The following NEDD4 variants were observed in gnomAD, a reference collection of about 807,000 sequenced individuals.
NEDD4 encodes the protein NEDD4 E3 ubiquitin protein ligase.
A neutral mutation model predicts 144.9 loss-of-function variants in NEDD4; 99 were observed. That is an observed-to-expected ratio of 0.68 (90% CI 0.58 to 0.81). The LOEUF (loss-of-function observed/expected upper bound fraction) is 0.81. Ranked by LOEUF, NEDD4 falls within the 30% of genes least tolerant of loss-of-function variation. NEDD4 has a pLI of 0.00. For synonymous variants in NEDD4, 318 were observed against 350.6 expected (o/e 0.91, Z 1.04); for missense variants, 985 against 1,065.9 (o/e 0.92, Z 1.06).
intron 5 of NEDD4, among the ~76,000 whole-genome samples, chr15:55,906,549 C>T (rs1370543267): frequency 6.6e-6 from 1 of 151,732 alleles, no homozygotes; most frequent in African/African-American, 2.4e-5. Flanking sequence ...ACCAAACACC[C>T]CATGTTCTCA....
intron 5 of NEDD4, among the ~76,000 whole-genome samples, chr15:55,888,502 C>G (rs2035464608): frequency 6.6e-6 from 1 of 152,088 alleles, no homozygotes; most frequent in Non-Finnish European, 1.5e-5. Flanking sequence ...TCAGAAGAAT[C>G]AATATTGTTA....
chr15:55,926,823 C>T (rs1412229920), intron 4 of NEDD4, among the ~76,000 whole-genome samples: 3 of 152,088 alleles, frequency 2.0e-5, no homozygotes, highest in African/African-American at 4.8e-5. Flanking sequence ...CGCCTGTAAT[C>T]CCAGCACTTA....
chr15:55,863,404 A>G (rs1383133599), intron 8 of NEDD4, among the ~76,000 whole-genome samples: 1 of 152,190 alleles, frequency 6.6e-6, no homozygotes, highest in East Asian at 1.9e-4. Flanking sequence ...AAACAACAAT[A>G]AAACAGAACT....
At chr15:55,852,690 AATATATATATATATATATAT>A (rs59736982) in intron 12 of NEDD4, 147 bp from the exon 13 acceptor site, 10 of 184,144 alleles carry the variant, frequency 5.4e-5, no homozygotes, top group East Asian at 3.8e-4. Context: ...CTTTTCTAGA[AATATATATATATATATATAT>A]ATATATATAT....
intron 5 of NEDD4, among the ~76,000 whole-genome samples, chr15:55,908,242 G>C (rs554982768): frequency 1.3e-5 from 2 of 152,238 alleles, no homozygotes; most frequent in African/African-American, 4.8e-5. Flanking sequence ...GTTCTCTATA[G>C]TAGGGAACTG....
intron 5 of NEDD4, chr15:55,915,491 G>C: frequency 6.2e-7 from 1 of 1,613,430 alleles, no homozygotes; most frequent in Non-Finnish European, 8.5e-7. Context: ...CATGGTTTTT[G>C]TTCATCTGTG....
chr15:55,862,761 G>T, intron 9 of NEDD4, 152 bp downstream of exon 9: 1 of 641,650 alleles, frequency 1.6e-6, no homozygotes. Context: ...GCAGAGTTAG[G>T]ATTTTTAAAG....
intron 9 of NEDD4, 60 bp from the exon 10 acceptor site, chr15:55,860,838 A>C: frequency 7.0e-7 from 1 of 1,431,520 alleles, no homozygotes; most frequent in Non-Finnish European, 9.7e-7. Context: ...TGATTGTCAA[A>C]GATTCTGTGA....
chr15:55,861,902 C>T (rs1212888222), intron 9 of NEDD4, among the ~76,000 whole-genome samples: 2 of 152,098 alleles, frequency 1.3e-5, no homozygotes, highest in Non-Finnish European at 2.9e-5. Context: ...TGATACATGG[C>T]TCTAAGGGAA....
chr15:55,858,912 A>G (rs1012473224), intron 11 of NEDD4, among the ~76,000 whole-genome samples: 3 of 152,184 alleles, frequency 2.0e-5, no homozygotes, highest in African/African-American at 7.2e-5. Context: ...GGCAATACCA[A>G]AACAAATGAT....
intron 5 of NEDD4, among the ~76,000 whole-genome samples, chr15:55,913,810 T>C (rs1379178378): frequency 6.6e-6 from 1 of 152,000 alleles, no homozygotes; most frequent in African/African-American, 2.4e-5. Flanking sequence ...AATAAACTAT[T>C]TTAAGGTATT....
intron 1 of NEDD4, among the ~76,000 whole-genome samples, chr15:55,978,136 A>G (rs559748225): frequency 3.5e-4 from 54 of 152,324 alleles, no homozygotes; most frequent in African/African-American, 1.3e-3. Flanking sequence ...CATCCATGTT[A>G]GCCTCGACTG....
chr15:55,934,860 C>CAT (rs2036853697), intron 4 of NEDD4: 3 of 80,838 alleles, frequency 3.7e-5, no homozygotes. Flanking sequence ...CAATGTTCTG[C>CAT]TTTTTTTTTT....
chr15:55,977,796 G>A (rs2142350072), intron 1 of NEDD4, among the ~76,000 whole-genome samples: 1 of 151,664 alleles, frequency 6.6e-6, no homozygotes, highest in South Asian at 2.1e-4. Context: ...TGAATAAACA[G>A]GCCAACTGAA....
At chr15:55,963,040 C>T (rs1163810293) in intron 2 of NEDD4, among the ~76,000 whole-genome samples, 1 of 152,008 alleles carries the variant, frequency 6.6e-6, no homozygotes, top group Non-Finnish European at 1.5e-5. Context: ...CAGCCTCAGC[C>T]TCCCTAAGTG....
In NEDD4 at chr15:55,860,927, T is replaced by C. The variant is rs564032650; in HGVS notation, c.675-149A>G. On this transcript the variant is annotated intron_variant, in intron 9 of 28. Coordinates refer to ENST00000435532, the MANE Select transcript of NEDD4 (RefSeq NM_006154.4). ...CAAAGGCTATTTCAACATGCAAAGA[T>C]TCAATCATGGGTAGGCAGACTGGTA... is the stretch of plus-strand genomic sequence containing the variant. The C allele has an allele frequency of 5.3e-5, 36 of 681,214 alleles. No homozygotes were observed. In the East Asian group the frequency reaches 8.9e-4, roughly 17 times the overall value. The allele number at this position is 681,214 out of a possible 1,614,324, so 42.2% of individuals were successfully genotyped here. A position where few individuals can be genotyped will look rare whatever the true frequency, so the allele number is the denominator to read the frequency against.
intron 5 of NEDD4, among the ~76,000 whole-genome samples, chr15:55,910,166 G>A (rs2036226714): frequency 6.6e-6 from 1 of 152,170 alleles, no homozygotes; most frequent in Non-Finnish European, 1.5e-5. Flanking sequence ...TATGCCTTCT[G>A]TATAACAATA....
intron 1 of NEDD4, among the ~76,000 whole-genome samples, chr15:55,989,545 C>T (rs1281481195): frequency 6.6e-6 from 1 of 152,150 alleles, no homozygotes; most frequent in Non-Finnish European, 1.5e-5. Flanking sequence ...GCCCTTCTTA[C>T]CCTGCTACTT....
At chr15:55,943,638 G>A (rs1038691439) in intron 4 of NEDD4, among the ~76,000 whole-genome samples, 1 of 152,166 alleles carries the variant, frequency 6.6e-6, no homozygotes, top group African/African-American at 2.4e-5. Flanking sequence ...GAAATGTGTC[G>A]ATATCCACAC....
Sources: gnomAD v4.1 joint callset for allele counts (sites outside exome capture counted in the v4.1 genomes callset) on GRCh38, gnomAD v4.1.1 for gene constraint, MANE v1.5 for transcripts, NCBI Gene and HGNC (gene_info 2026-07-23, HGNC 2026-07-21) for gene names.